LDHB: variants seen among roughly 807,000 people sequenced by gnomAD.
LDHB encodes the protein lactate dehydrogenase B, also known as L-lactate dehydrogenase B chain.
LDHB carries 18 observed loss-of-function variants against 33.4 expected under a neutral mutation model. The ratio of observed to expected loss-of-function variants is 0.54; its 90% CI spans 0.37 to 0.80. LDHB has a LOEUF of 0.80. Among genes scored for constraint, LDHB ranks in the 30% least tolerant of loss-of-function variants. LDHB has a pLI of 0.00. For missense variants in LDHB, 345 were observed against 407.9 expected, an observed-to-expected ratio of 0.85 and a Z score of 1.33; for synonymous variants, 121 against 140.6, an observed-to-expected ratio of 0.86 and a Z score of 0.98.
chr12:21,642,408 C>G (rs1356395912), intron 4 of LDHB, among the ~76,000 whole-genome samples: 2 of 151,830 alleles, frequency 1.3e-5, no homozygotes, highest in East Asian at 3.8e-4. Flanking sequence ...ATTTAAGAAC[C>G]TTGCAGATTA....
chr12:21,647,844 G>C (rs1677109), intron 2 of LDHB, among the ~76,000 whole-genome samples: 1 of 151,804 alleles, frequency 6.6e-6, no homozygotes, highest in Non-Finnish European at 1.5e-5. Flanking sequence ...TTACAGGTAC[G>C]TGCCACCACA....
At chr12:21,639,148 C>T (rs1466638632) in intron 5 of LDHB, among the ~76,000 whole-genome samples, 2 of 151,814 alleles carry the variant, frequency 1.3e-5, no homozygotes, top group African/African-American at 4.8e-5. Flanking sequence ...CAAATAAGAT[C>T]CCCTATTAGT....
chr12:21,635,594 T>C lies in LDHB; in HGVS notation c.953A>G (p.Lys318Arg), dbSNP rs1938193578. The C allele has an allele frequency of 9.3e-6, 15 of 1,612,914 alleles. No individual in the cohort carries two copies. The highest frequency in any genetic ancestry group is 1.3e-5 in the African/African-American group (1 of 74,882). ...GTCCCACAGGGTATCTGCACTTTTC[T>C]TGAGCTGAGCAACCTCATCATCCTT... Reference protein sequence around the residue: ...KLKDDEVAQLKKSADTLWDIQ... With the variant: ...KLKDDEVAQLRKSADTLWDIQ... The change falls in exon 8 of 8, where the codon AAG becomes AGG. Residue 318 changes from lysine (K) to arginine (R), a missense_variant. Coordinates refer to ENST00000350669, the MANE Select transcript of LDHB (RefSeq NM_002300.8).
At chr12:21,650,472 C>T (rs1219897524) in intron 2 of LDHB, among the ~76,000 whole-genome samples, 2 of 152,154 alleles carry the variant, frequency 1.3e-5, no homozygotes, top group Non-Finnish European at 2.9e-5. Flanking sequence ...CTGTGTTTGT[C>T]CACAAGAACA....
rs945573803 is a variant in LDHB, at chr12:21,640,236, A to G, written c.595+1716T>C. ...CTATGAAACAGAATCAAAATTGTTC[A>G]AAAACAGTTTTACATAAAATTGTTC... On this transcript the variant is annotated intron_variant, in intron 5 of 7. Coordinates refer to ENST00000350669, the MANE Select transcript of LDHB (RefSeq NM_002300.8). Among the ~76,000 whole-genome samples the G allele has an allele frequency of 5.3e-5, 8 of 151,694 alleles. No individual in the cohort carries two copies. The South Asian group carries it at 1.0e-3, about 20-fold the overall frequency.
chr12:21,647,688 TA>T (rs1938563482), intron 2 of LDHB, among the ~76,000 whole-genome samples: 1 of 152,178 alleles, frequency 6.6e-6, no homozygotes, highest in Non-Finnish European at 1.5e-5. Flanking sequence ...TCTGGAGTCA[TA>T]TTTTTTTTTG....
chr12:21,648,787 A>C (rs910834185), intron 2 of LDHB, among the ~76,000 whole-genome samples: 1 of 152,174 alleles, frequency 6.6e-6, no homozygotes, highest in Non-Finnish European at 1.5e-5. Flanking sequence ...TCATGAAGTG[A>C]GTTACAGTGG....
rs752065961 is a variant in LDHB, at chr12:21,638,424, T to G, written c.642A>C (p.Glu214Asp). Reference protein sequence around the residue: ...GVNVAGVSLQELNPEMGTDND... With the variant: ...GVNVAGVSLQDLNPEMGTDND... ...TGTCAGTTCCCATTTCTGGATTCAA[T>G]TCCTGGAGAGAAACACCTGCCACAT... Residue 214 changes from glutamate to aspartate, a missense_variant, in exon 6 of 8, where the codon GAA becomes GAC. Glu to Asp is a conservative substitution (Grantham distance 45, BLOSUM62 2). Transcript: ENST00000350669. The G allele has an allele frequency of 6.2e-7, 1 of 1,610,986 alleles. No individual in the cohort carries two copies. The highest frequency in any genetic ancestry group is 2.2e-5 in the East Asian group (1 of 44,792).
At chr12:21,650,928 T>C (rs1219297240) in intron 2 of LDHB, among the ~76,000 whole-genome samples, 1 of 152,142 alleles carries the variant, frequency 6.6e-6, no homozygotes, top group Non-Finnish European at 1.5e-5. Flanking sequence ...CAAGGAGATG[T>C]TGAAGCTACT....
chr12:21,644,944 T>C (rs563277431), intron 3 of LDHB, among the ~76,000 whole-genome samples: 2 of 152,282 alleles, frequency 1.3e-5, no homozygotes, highest in South Asian at 4.1e-4. Context: ...CTTTGTACTG[T>C]GGGGAAAAGA....
intron 5 of LDHB, among the ~76,000 whole-genome samples, chr12:21,640,475 A>ACC (rs1938345489): frequency 5.3e-5 from 8 of 152,056 alleles, no homozygotes; most frequent in Non-Finnish European, 8.8e-5. Context: ...TACTACTTAA[A>ACC]TAATTGATAG....
intron 2 of LDHB, among the ~76,000 whole-genome samples, chr12:21,653,421 CCT>C (rs371730398): frequency 9.6e-4 from 146 of 152,278 alleles, no homozygotes; most frequent in South Asian, 6.6e-3. Flanking sequence ...AAAACTATCC[CCT>C]CACACATCTG....
intron 2 of LDHB, among the ~76,000 whole-genome samples, chr12:21,653,167 CAT>C (rs1938741625): frequency 6.6e-6 from 1 of 152,072 alleles, no homozygotes; most frequent in African/African-American, 2.4e-5. Flanking sequence ...ACAAAGGATA[CAT>C]ATGAGGTAAG....
At chr12:21,638,493 A>G (rs1938278628) in intron 5 of LDHB, 23 bp from the exon 6 acceptor site, 2 of 1,362,326 alleles carry the variant, frequency 1.5e-6, no homozygotes, top group African/African-American at 1.5e-5. Flanking sequence ...AAAAAAAAAG[A>G]CATTGCAGTT....
chr12:21,641,544 A>G (rs1300262092), intron 5 of LDHB, among the ~76,000 whole-genome samples: 1 of 152,192 alleles, frequency 6.6e-6, no homozygotes, highest in African/African-American at 2.4e-5. Flanking sequence ...CTGAATTAGG[A>G]AAAAAGCTTT....
intron 3 of LDHB, among the ~76,000 whole-genome samples, chr12:21,645,173 C>T (rs1346825230): frequency 6.6e-6 from 1 of 152,142 alleles, no homozygotes; most frequent in African/African-American, 2.4e-5. Flanking sequence ...TGCTTGAAGG[C>T]ACATGCTTGT....
At chr12:21,645,318 C>T (rs534861874) in intron 3 of LDHB, among the ~76,000 whole-genome samples, 2 of 152,036 alleles carry the variant, frequency 1.3e-5, no homozygotes, top group African/African-American at 4.8e-5. Flanking sequence ...AATATGGCCT[C>T]GTGGGAAGGG....
At chr12:21,650,115 C>T (rs1464312285) in intron 2 of LDHB, among the ~76,000 whole-genome samples, 7 of 110,632 alleles carry the variant, frequency 6.3e-5, no homozygotes, top group African/African-American at 2.3e-4. Context: ...TACACACACA[C>T]ACACACACAC....
At chr12:21,646,775 A>C in intron 3 of LDHB, 124 bp downstream of exon 3, 1 of 714,558 alleles carries the variant, frequency 1.4e-6, no homozygotes, top group Non-Finnish European at 2.5e-6. Flanking sequence ...TATTGAAATA[A>C]CTGTTCCAAA....
Sources: gnomAD v4.1 joint callset for allele counts (sites outside exome capture counted in the v4.1 genomes callset) on GRCh38, gnomAD v4.1.1 for gene constraint, MANE v1.5 for transcripts, NCBI Gene and HGNC (gene_info 2026-07-23, HGNC 2026-07-21) for gene names.